The following ARHGEF7 variants were observed in gnomAD, a reference collection of about 807,000 sequenced individuals.
ARHGEF7 encodes the protein PAK-interacting exchange factor beta.
ARHGEF7 carries 33 observed loss-of-function variants against 109.8 expected under a neutral mutation model. The observed-to-expected ratio is 0.30, with a 90% CI of 0.23 to 0.40. The LOEUF is 0.40. Among genes scored for constraint, ARHGEF7 ranks in the 10% least tolerant of loss-of-function variants. The probability of loss-of-function intolerance (pLI) is 1.00; values close to 1 mark genes in which losing one functional copy is unlikely to be tolerated. For synonymous variants in ARHGEF7, 458 were observed against 424.6 expected, an observed-to-expected ratio of 1.08 and a Z score of -0.97; for missense variants, 938 against 1,098.5, an observed-to-expected ratio of 0.85 and a Z score of 2.07.
At chr13:111,220,138 T>A (rs1182593008) in intron 5 of ARHGEF7, among the ~76,000 whole-genome samples, 1 of 152,174 alleles carries the variant, frequency 6.6e-6, no homozygotes, top group Non-Finnish European at 1.5e-5. Flanking sequence ...GTTGGAGAGA[T>A]CTTTTTCCTG....
At chr13:111,209,824 G>C in intron 3 of ARHGEF7, 48 bp from the exon 4 acceptor site, 2 of 1,600,052 alleles carry the variant, frequency 1.2e-6, no homozygotes, top group South Asian at 1.1e-5. Context: ...TGGGTGCGTG[G>C]TATCAGGCGC....
intron 8 of ARHGEF7, among the ~76,000 whole-genome samples, chr13:111,261,223 A>G (rs2153575220): frequency 6.6e-6 from 1 of 152,284 alleles, no homozygotes; most frequent in South Asian, 2.1e-4. Context: ...CAAAAAGACA[A>G]AAAACCCAAT....
At chr13:111,252,927 A>G (rs2089956388) in intron 8 of ARHGEF7, among the ~76,000 whole-genome samples, 1 of 152,234 alleles carries the variant, frequency 6.6e-6, no homozygotes, top group Non-Finnish European at 1.5e-5. Context: ...TGCTTTTCGC[A>G]GGCCTGGCAG....
rs573544535 is a variant in ARHGEF7, at chr13:111,289,260, C to T, written c.2134+817C>T. The stretch of plus-strand genomic sequence containing the variant: ...TTTGGGCCAGGCTGGTCTTGAACTC[C>T]TGACCTCAGGTGATCTGCCCGCCTC... On this transcript the variant is annotated intron_variant, in intron 18 of 21. Transcript: ENST00000646102. Among the ~76,000 whole-genome samples the T allele has an allele frequency of 3.3e-5, 5 of 152,330 alleles. No individual in the cohort carries two copies. In the South Asian group the frequency reaches 1.0e-3, roughly 32 times the overall value.
intron 1 of ARHGEF7, among the ~76,000 whole-genome samples, chr13:111,142,217 T>G (rs2075379703): frequency 6.6e-6 from 1 of 152,244 alleles, no homozygotes; most frequent in African/African-American, 2.4e-5. Flanking sequence ...GAATACCAGT[T>G]ATTGATTAGA....
chr13:111,212,962 A>C (rs2082675885), intron 4 of ARHGEF7, among the ~76,000 whole-genome samples: 2 of 152,216 alleles, frequency 1.3e-5, no homozygotes, highest in Admixed American at 1.3e-4. Flanking sequence ...TTTACCCAAG[A>C]TCACAGCACT....
At position 111,166,757 on chromosome 13, in the gene ARHGEF7, CTG is replaced by C. The variant is rs1271716723; in HGVS notation, c.252+12769_252+12770del. 5.3e-5 allele frequency among the ~76,000 whole-genome samples: 8 copies of C among 152,332 alleles called. No individual in the cohort carries two copies. The South Asian group carries it at 1.4e-3, about 28-fold the overall frequency. On this transcript the variant is annotated intron_variant, in intron 2 of 21. Transcript: ENST00000646102. ...CTTCAGACATGCTCCATCAGGATAT[CTG>C]TGAGATGCCTCAGTGAAGATCAGGT...
chr13:111,176,381 G>A (rs563060381), intron 2 of ARHGEF7, among the ~76,000 whole-genome samples: 6 of 152,214 alleles, frequency 3.9e-5, no homozygotes, highest in Non-Finnish European at 8.8e-5. Flanking sequence ...AGAATTGTGC[G>A]TGATGTGCCT....
At chr13:111,229,060 G>A (rs765523020) in intron 5 of ARHGEF7, among the ~76,000 whole-genome samples, 3 of 152,050 alleles carry the variant, frequency 2.0e-5, no homozygotes, top group Non-Finnish European at 2.9e-5. Flanking sequence ...CTGCCTCGGA[G>A]TGGGGAGGGC....
At chr13:111,115,989 A>G (rs1398126740) in intron 1 of ARHGEF7, among the ~76,000 whole-genome samples, 1 of 148,878 alleles carries the variant, frequency 6.7e-6, no homozygotes, top group African/African-American at 2.5e-5. Flanking sequence ...CGCCGCCCGA[A>G]CGCTAAGTTG....
intron 1 of ARHGEF7, among the ~76,000 whole-genome samples, chr13:111,138,410 G>A (rs187496457): frequency 1.4e-3 from 207 of 151,844 alleles, no homozygotes; most frequent in African/African-American, 4.8e-3. Context: ...GAACCCAGGA[G>A]GTGGAGGTTG....
chr13:111,292,874 G>T, intron 19 of ARHGEF7: 3 of 989,172 alleles, frequency 3.0e-6, no homozygotes, highest in Non-Finnish European at 3.6e-6. Flanking sequence ...AGAACAGCAT[G>T]TGGGCTCTGG....
At chr13:111,219,341 C>T (rs1594834756) in intron 5 of ARHGEF7, among the ~76,000 whole-genome samples, 1 of 152,136 alleles carries the variant, frequency 6.6e-6, no homozygotes, top group Non-Finnish European at 1.5e-5. Context: ...AGTTACCTTC[C>T]TTTGTAAGGC....
intron 5 of ARHGEF7, among the ~76,000 whole-genome samples, chr13:111,224,105 T>G (rs1266924930): frequency 6.6e-6 from 1 of 152,236 alleles, no homozygotes; most frequent in Non-Finnish European, 1.5e-5. Context: ...TCTGCCCGCC[T>G]CAGCCTCCCA....
rs534061477 is a variant in ARHGEF7 at position 111,186,572 on chromosome 13, C to T, written c.253-18717C>T. 2.6e-5 allele frequency among the ~76,000 whole-genome samples: 4 copies of T among 152,298 alleles called. No individual in the cohort carries two copies. The South Asian group carries it at 8.3e-4, about 32-fold the overall frequency. On this transcript the variant is annotated intron_variant, in intron 2 of 21. Transcript: ENST00000646102. ...TGTCCCCAACAATATGGACCATTTGCATTAAACTTAAATAGCACCACTTAT... is the reference window on the plus strand; with the variant it reads ...TGTCCCCAACAATATGGACCATTTGTATTAAACTTAAATAGCACCACTTAT...
chr13:111,247,949 T>C (rs1287638436), intron 8 of ARHGEF7, among the ~76,000 whole-genome samples: 2 of 152,232 alleles, frequency 1.3e-5, no homozygotes, highest in African/African-American at 4.8e-5. Flanking sequence ...CCCTGTGCGT[T>C]CTGAGGCCCA....
intron 4 of ARHGEF7, among the ~76,000 whole-genome samples, chr13:111,214,472 C>A (rs951182573): frequency 9.2e-5 from 14 of 152,248 alleles, no homozygotes; most frequent in African/African-American, 3.4e-4. Flanking sequence ...ACAAGGCCGG[C>A]GTGCCCAGGT....
At chr13:111,238,115 G>T (rs936104021) in intron 6 of ARHGEF7, among the ~76,000 whole-genome samples, 3 of 152,144 alleles carry the variant, frequency 2.0e-5, no homozygotes, top group Non-Finnish European at 4.4e-5. Flanking sequence ...CACTACTCTT[G>T]CCTCTATTTT....
At chr13:111,301,649 T>G (rs553305533) in intron 21 of ARHGEF7, 117 bp downstream of exon 21, 1 of 789,104 alleles carries the variant, frequency 1.3e-6, no homozygotes, top group South Asian at 1.8e-5. Flanking sequence ...TCCCAGCACT[T>G]TAGAAGGCCG....
Sources: allele counts gnomAD v4.1 joint callset (sites outside exome capture counted in the v4.1 genomes callset), GRCh38; gene constraint gnomAD v4.1.1; transcripts MANE v1.5; gene names NCBI Gene and HGNC (gene_info 2026-07-23, HGNC 2026-07-21).